The following WDR62 variants were observed in gnomAD, a reference collection of about 807,000 sequenced individuals.
The protein encoded by WDR62 is WD repeat-containing protein 62.
WDR62 carries 112 observed loss-of-function variants against 160.6 expected under a neutral mutation model. The observed-to-expected ratio is 0.70, with a 90% CI of 0.60 to 0.82. The LOEUF is 0.82. Among genes scored for constraint, WDR62 ranks in the 40% least tolerant of loss-of-function variants. The probability of loss-of-function intolerance (pLI) is 0.00; values close to 1 mark genes in which losing one functional copy is unlikely to be tolerated. For synonymous variants in WDR62, 792 were observed against 815.1 expected (o/e 0.97, Z 0.48); for missense variants, 1,819 against 1,983.8 (o/e 0.92, Z 1.58).
chr19:36,104,377 G>A, intron 30 of WDR62, 141 bp from the exon 31 acceptor site: 1 of 1,090,948 alleles, frequency 9.2e-7, no homozygotes, highest in Middle Eastern at 2.5e-4. Context: ...GCAGAGACCT[G>A]TAGGAGTGAA....
chr19:36,063,927 G>T (rs1356912620), intron 3 of WDR62, among the ~76,000 whole-genome samples: 1 of 152,232 alleles, frequency 6.6e-6, no homozygotes, highest in African/African-American at 2.4e-5. Context: ...GAAATCTAAT[G>T]TACAGCCAGG....
At position 36,073,544 on chromosome 19, in the gene WDR62, C is replaced by T. The variant is rs76130844; in HGVS notation, c.1233+13C>T. ...TTGGAACGTGGAGGTGAGCCCCCCC[C>T]CCACCCCCTTGCCCCTGCTTGGCCT... is the stretch of plus-strand genomic sequence containing the variant. On this transcript the variant is annotated intron_variant, in intron 9 of 31. Transcript: ENST00000401500. 0.043 allele frequency: 62,375 copies of T among 1,461,698 alleles called. 1,604 individuals carry two copies. Among genetic ancestry groups the T allele is most frequent in the East Asian group, 0.11 (4,700 of 41,580 alleles). The allele number at this position is 1,461,698 out of a possible 1,614,324, so 90.5% of individuals were successfully genotyped here. A position where few individuals can be genotyped will look rare whatever the true frequency, so the allele number is the denominator to read the frequency against.
chr19:36,071,202 CAAAAAAA>C (rs111636638), intron 7 of WDR62: 2 of 230,758 alleles, frequency 8.7e-6, no homozygotes, highest in East Asian at 1.1e-4. Flanking sequence ...AACTCTATCT[CAAAAAAA>C]AAAAAAAATT....
At position 36,103,759 on chromosome 19, in the gene WDR62, C is replaced by A. The variant is rs756526741; in HGVS notation, c.3931C>A (p.Pro1311Thr). 1 of 1,610,244 alleles carries A rather than the reference C, an allele frequency of 6.2e-7. No individual in the cohort carries two copies. Among genetic ancestry groups the A allele is most frequent in the Non-Finnish European group, 8.5e-7 (1 of 1,179,332 alleles). ...AAGTGCCTGTGATGGGCTCCTGCAGCCCCCCGTGGATACCCAGCCTGGCGT... is the reference window on the plus strand; with the variant it reads ...AAGTGCCTGTGATGGGCTCCTGCAGACCCCCGTGGATACCCAGCCTGGCGT... ...LSSACDGLLQ[P>T]PVDTQPGVTV... The change falls in exon 30 of 32, where the codon CCC becomes ACC. Residue 1311 changes from proline (P) to threonine (T), a missense_variant. This residue lies in a region of WDR62 where 770 missense variants were observed against 734.2 expected (regional missense o/e 1.05). Transcript: ENST00000401500.
At position 36,102,932 on chromosome 19, in the gene WDR62, G is replaced by C; in HGVS notation, c.3336-16G>C. On this transcript the variant is annotated splice_polypyrimidine_tract_variant and intron_variant, in intron 27 of 31. Coordinates refer to ENST00000401500, the MANE Select transcript of WDR62 (RefSeq NM_001083961.2). The stretch of plus-strand genomic sequence containing the variant: ...AGGCTGAATGAGAATCATCCCCCCT[G>C]CTCTCCTCCCCACAGGTTCACCCAT... The C allele has an allele frequency of 6.2e-7, 1 of 1,614,100 alleles. No homozygotes were observed. Among genetic ancestry groups the C allele is most frequent in the Non-Finnish European group, 8.5e-7 (1 of 1,180,026 alleles).
At chr19:36,102,417 C>A in intron 26 of WDR62, 1 of 589,508 alleles carries the variant, frequency 1.7e-6, no homozygotes, top group Non-Finnish European at 3.0e-6. Flanking sequence ...TCCACAACCA[C>A]GCCCTGCTAA....
chr19:36,079,248 A>G (rs1198087762), intron 9 of WDR62, among the ~76,000 whole-genome samples: 2 of 151,556 alleles, frequency 1.3e-5, no homozygotes, highest in Admixed American at 1.3e-4. Flanking sequence ...TGCCCAGCTA[A>G]TTTTTTATTT....
intron 10 of WDR62, among the ~76,000 whole-genome samples, chr19:36,082,404 GCCTGTATGAAGGC>G (rs1179141136): frequency 6.6e-6 from 1 of 152,110 alleles, no homozygotes; most frequent in African/African-American, 2.4e-5. Context: ...TTAGGGAATA[GCCTGTATGAAGGC>G]CCTGGGGTGG....
At chr19:36,089,692 C>G (rs925330838) in intron 15 of WDR62, among the ~76,000 whole-genome samples, 2 of 152,242 alleles carry the variant, frequency 1.3e-5, no homozygotes, top group Non-Finnish European at 2.9e-5. Context: ...ATATTGCCCA[C>G]CTCAGCCTCC....
At chr19:36,098,014 G>A (rs1035286129) in intron 21 of WDR62, among the ~76,000 whole-genome samples, 3 of 152,298 alleles carry the variant, frequency 2.0e-5, no homozygotes, top group South Asian at 4.1e-4. Context: ...ATACTGGGAC[G>A]AATGTTCTAG....
At chr19:36,093,939 G>A (rs1226430477) in intron 19 of WDR62, 92 bp from the exon 20 acceptor site, 15 of 1,509,572 alleles carry the variant, frequency 9.9e-6, no homozygotes, top group Non-Finnish European at 8.3e-6. Flanking sequence ...ATGTTCACAT[G>A]GAGCTTAGCA....
chr19:36,090,556 T>G, intron 16 of WDR62, 36 bp downstream of exon 16: 1 of 1,594,164 alleles, frequency 6.3e-7, no homozygotes, highest in Non-Finnish European at 8.6e-7. Flanking sequence ...TCTGCTGCCC[T>G]GATGGGCCAC....
Position 36,103,520 on chromosome 19 carries a change from G to T in WDR62, c.3692G>T (p.Ser1231Ile), listed in dbSNP as rs1443977030. The T allele has an allele frequency of 6.2e-7, 1 of 1,614,114 alleles. No individual in the cohort carries two copies. Among genetic ancestry groups the T allele is most frequent in the Non-Finnish European group, 8.5e-7 (1 of 1,180,022 alleles). Residue 1231 changes from serine (S) to isoleucine (I), a missense_variant, in exon 30 of 32, where the codon AGC (serine) becomes ATC (isoleucine). Transcript: ENST00000401500. ...AGCTCCCGTGCCAGGATATCACGCA[G>T]CATCTCCCTCGGTGACAGTGAGGGC... The part of the protein sequence containing the change: ...TASSRARISR[S>I]ISLGDSEGPI...
rs778055350 is a variant in WDR62, at chr19:36,058,720, G to A, written c.178-60G>A. 1,385 of 1,426,518 alleles carry A rather than the reference G, an allele frequency of 9.7e-4. 3 individuals are homozygous for A. The highest frequency in any genetic ancestry group is 1.1e-3 in the Non-Finnish European group (1,154 of 1,014,760). 88.4% of individuals were successfully genotyped at this position (1,426,518 alleles called of 1,614,324 possible). ...CAGGACCTGAATGGGTGGCCAAGGC[G>A]GCTGCACCATGTGGTGCTGGCTAGG... On this transcript the variant is annotated intron_variant, in intron 1 of 31. Transcript: ENST00000401500.
rs988764782 is a variant in WDR62, at chr19:36,092,802, G to A, written c.2324G>A (p.Gly775Asp). The A allele has an allele frequency of 6.2e-7, 1 of 1,613,812 alleles. No homozygotes were observed. The highest frequency in any genetic ancestry group is 1.3e-5 in the African/African-American group (1 of 74,908). The change falls in exon 19 of 32, where the codon GGC becomes GAC. Residue 775 changes from glycine (G) to aspartate (D), a missense_variant. Physicochemically the swap from Gly to Asp is moderately conservative, Grantham distance 94. Transcript: ENST00000401500. The stretch of plus-strand genomic sequence containing the variant: ...CACACAAATGACAAGAAGCGGAGTG[G>A]CCACCCCAGGTCCTGGCAGCCCCTG... ...QQHTNDKKRS[G>D]HPRQDTYVST...
chr19:36,073,127 G>A (rs193241497), intron 8 of WDR62, among the ~76,000 whole-genome samples: 4 of 152,276 alleles, frequency 2.6e-5, no homozygotes, highest in East Asian at 3.9e-4. Flanking sequence ...AATTGCTCTC[G>A]GGGCCAGGCA....
intron 10 of WDR62, chr19:36,081,917 C>T: frequency 2.1e-6 from 1 of 479,976 alleles, no homozygotes; most frequent in Non-Finnish European, 4.1e-6. Context: ...GATGAGCCAG[C>T]CCATTCAGCT....
rs1228000758 is a variant in WDR62 at position 36,101,306 on chromosome 19, GC to G, written c.2963del (p.Pro988ArgfsTer80). ...RVSSDSPKDQSPPEDSGESEA... is the reference protein window; with the variant it reads ...RVSSDSPKDQXPPEDSGESEA... ...TCCTCCGACAGCCCAAAGGACCAGA[GC>G]CCGCCTGAGGGTGAGTGCAGGGCAG... is the stretch of plus-strand genomic sequence containing the variant. On this transcript the variant is annotated frameshift_variant, in exon 24 of 32. Coordinates refer to ENST00000401500, the MANE Select transcript of WDR62 (RefSeq NM_001083961.2). LOFTEE classifies it high-confidence loss of function. 1.2e-6 allele frequency: 2 copies of G among 1,610,708 alleles called. No individual in the cohort carries two copies. The highest frequency in any genetic ancestry group is 2.2e-5 in the East Asian group (1 of 44,776).
At chr19:36,091,146 A>C in intron 16 of WDR62, 54 bp from the exon 17 acceptor site, 8 of 1,510,718 alleles carry the variant, frequency 5.3e-6, no homozygotes, top group South Asian at 2.3e-5. Flanking sequence ...CCCAGGCCTC[A>C]TCATAAGGAA....
Sources: gnomAD v4.1 joint callset for allele counts (sites outside exome capture counted in the v4.1 genomes callset) on GRCh38, gnomAD v4.1.1 for gene constraint, gnomAD v4.1.1 regional missense constraint, MANE v1.5 for transcripts, NCBI Gene and HGNC (gene_info 2026-07-23, HGNC 2026-07-21) for gene names.